The following FMN2 variants were observed in gnomAD, a reference collection of about 807,000 sequenced individuals.
The protein encoded by FMN2 is formin 2, also known as formin-2.
FMN2 carries 51 observed loss-of-function variants against 142.3 expected under a neutral mutation model. The observed-to-expected ratio is 0.36, with a 90% CI of 0.29 to 0.45. The LOEUF (loss-of-function observed/expected upper bound fraction) is 0.45, where lower values mean the gene tolerates loss of function less well. FMN2 is among the 20% of genes least tolerant of loss of function. The pLI is 1.00. For missense variants in FMN2, 1,936 were observed against 2,122.8 expected (o/e 0.91, Z 1.73); for synonymous variants, 882 against 869.8 (o/e 1.01, Z -0.25).
At chr1:240,443,399 C>G (rs375663556) in intron 16 of FMN2, among the ~76,000 whole-genome samples, 11 of 152,304 alleles carry the variant, frequency 7.2e-5, no homozygotes, top group African/African-American at 2.6e-4. Flanking sequence ...CTGAGCAACA[C>G]AAAACATGTG....
chr1:240,421,862 C>T (rs990888775), intron 15 of FMN2, among the ~76,000 whole-genome samples: 1 of 151,568 alleles, frequency 6.6e-6, no homozygotes, highest in African/African-American at 2.4e-5. Flanking sequence ...TGTTGTGAGG[C>T]CTGTGGTGGG....
At chr1:240,451,642 A>G (rs1558114810) in intron 16 of FMN2, among the ~76,000 whole-genome samples, 1 of 152,032 alleles carries the variant, frequency 6.6e-6, no homozygotes, top group East Asian at 1.9e-4. Context: ...CCTAAAGATG[A>G]CCTCTGTCTC....
intron 13 of FMN2, among the ~76,000 whole-genome samples, chr1:240,343,766 T>G (rs767501238): frequency 5.3e-5 from 8 of 152,192 alleles, no homozygotes; most frequent in Non-Finnish European, 1.0e-4. Flanking sequence ...ATTCAAATAC[T>G]GGCTGAGTAC....
chr1:240,427,639 C>G (rs189754238), intron 15 of FMN2, among the ~76,000 whole-genome samples: 2 of 152,234 alleles, frequency 1.3e-5, no homozygotes, highest in Admixed American at 1.3e-4. Flanking sequence ...AAAATTGATT[C>G]GTTGAAGAAA....
chr1:240,129,150 A>C (rs1354875370), intron 2 of FMN2, among the ~76,000 whole-genome samples: 3 of 152,140 alleles, frequency 2.0e-5, no homozygotes, highest in Non-Finnish European at 4.4e-5. Flanking sequence ...CTGGGATTAT[A>C]GGTGTGAGCC....
Position 240,207,071 on chromosome 1 carries a change from G to A in FMN2, c.2259G>A (p.Gly753=), listed in dbSNP as rs1211802090. Residue 753 remains glycine, a synonymous_variant, in exon 5 of 18, where the codon GGG becomes GGA. Coordinates refer to ENST00000319653, the MANE Select transcript of FMN2 (RefSeq NM_020066.5). ...SIQTSPTEEG[G]VLTLPPVDGL... is the part of the protein sequence containing the mutation. ...AGACTTCCCCCACGGAAGAGGGCGG[G>A]GTGCTGACACTGCCTCCTGTGGATG... 2 of 1,613,996 alleles carry A rather than the reference G, an allele frequency of 1.2e-6. No individual in the cohort carries two copies. The highest frequency in any genetic ancestry group is 2.7e-5 in the African/African-American group (2 of 74,904).
At chr1:240,141,713 G>A (rs748425114) in intron 2 of FMN2, among the ~76,000 whole-genome samples, 8 of 152,276 alleles carry the variant, frequency 5.3e-5, no homozygotes, top group Non-Finnish European at 1.0e-4. Context: ...TTGAAAACAA[G>A]AATTTTAAGT....
intron 16 of FMN2, among the ~76,000 whole-genome samples, chr1:240,471,480 A>C (rs1416023933): frequency 2.0e-5 from 3 of 150,868 alleles, no homozygotes; most frequent in African/African-American, 7.4e-5. Context: ...GGTTCACACC[A>C]TTCTCCTGCC....
At chr1:240,181,100 G>A (rs951142080) in intron 3 of FMN2, among the ~76,000 whole-genome samples, 1 of 151,990 alleles carries the variant, frequency 6.6e-6, no homozygotes, top group African/African-American at 2.4e-5. Flanking sequence ...CGTCTCCCGG[G>A]TTCAAGTGAT....
At chr1:240,390,091 A>G (rs188371443) in intron 14 of FMN2, among the ~76,000 whole-genome samples, 4 of 152,310 alleles carry the variant, frequency 2.6e-5, no homozygotes, top group African/African-American at 9.6e-5. Flanking sequence ...TTGGTATACA[A>G]AGGAAATCTG....
intron 1 of FMN2, among the ~76,000 whole-genome samples, chr1:240,100,253 C>A (rs1661368969): frequency 6.6e-6 from 1 of 152,136 alleles, no homozygotes; most frequent in Non-Finnish European, 1.5e-5. Flanking sequence ...AGCAACTGAC[C>A]TTCCAAATAT....
At chr1:240,357,504 G>A (rs1672310757) in intron 14 of FMN2, among the ~76,000 whole-genome samples, 1 of 152,156 alleles carries the variant, frequency 6.6e-6, no homozygotes, top group Non-Finnish European at 1.5e-5. Context: ...AAGGCAGTTA[G>A]AGGTGTTTAG....
chr1:240,184,781 C>A (rs1460879765), intron 3 of FMN2, among the ~76,000 whole-genome samples: 1 of 151,826 alleles, frequency 6.6e-6, no homozygotes, highest in South Asian at 2.1e-4. Context: ...GGAGTGATCA[C>A]TTTCATTTAG....
intron 8 of FMN2, among the ~76,000 whole-genome samples, chr1:240,316,508 G>C (rs1025621352): frequency 1.3e-5 from 2 of 152,162 alleles, no homozygotes; most frequent in African/African-American, 2.4e-5. Flanking sequence ...ACAGGTTGCT[G>C]TGGGGTAGCA....
At chr1:240,229,983 A>T (rs1320214111) in intron 6 of FMN2, among the ~76,000 whole-genome samples, 2 of 130,076 alleles carry the variant, frequency 1.5e-5, no homozygotes, top group East Asian at 4.5e-4. Flanking sequence ...TAGTAAACAC[A>T]TTTTAAGAAA....
At position 240,139,884 on chromosome 1, in the gene FMN2, T is replaced by G. The variant is rs181364952; in HGVS notation, c.1782+16539T>G. On this transcript the variant is annotated intron_variant, in intron 2 of 17. Coordinates refer to ENST00000319653, the MANE Select transcript of FMN2 (RefSeq NM_020066.5). ...GAAGGTATCAGCCTAAAGGGGTGGT[T>G]TAAAGAGTAGGCTACAAAGTCAGAA... is the stretch of plus-strand genomic sequence containing the variant. 8.6e-4 allele frequency among the ~76,000 whole-genome samples: 131 copies of G among 152,148 alleles called. 1 individual carries two copies. Among genetic ancestry groups the G allele is most frequent in the Non-Finnish European group, 1.5e-3 (102 of 68,010 alleles).
chr1:240,243,517 CTTG>C (rs1414096294), intron 6 of FMN2, among the ~76,000 whole-genome samples: 1 of 152,186 alleles, frequency 6.6e-6, no homozygotes, highest in Non-Finnish European at 1.5e-5. Context: ...TGCTGTTCCT[CTTG>C]TTGGAATAAA....
chr1:240,373,752 T>G (rs1672949805), intron 14 of FMN2, among the ~76,000 whole-genome samples: 1 of 152,242 alleles, frequency 6.6e-6, no homozygotes, highest in East Asian at 1.9e-4. Flanking sequence ...GCAAGTCATC[T>G]GTGAGGTTTG....
intron 6 of FMN2, among the ~76,000 whole-genome samples, chr1:240,246,037 G>A (rs200013897): frequency 4.6e-5 from 7 of 152,026 alleles, no homozygotes; most frequent in South Asian, 2.1e-4. Context: ...AAAATTAGCC[G>A]GGCATGGTGG....
Sources: allele counts gnomAD v4.1 joint callset (sites outside exome capture counted in the v4.1 genomes callset), GRCh38; gene constraint gnomAD v4.1.1; transcripts MANE v1.5; gene names NCBI Gene and HGNC (gene_info 2026-07-23, HGNC 2026-07-21).